UBA6: variants seen among roughly 807,000 people sequenced by gnomAD.
UBA6 encodes ubiquitin-like modifier-activating enzyme 6.
A neutral mutation model predicts 148.3 loss-of-function variants in UBA6; 87 were observed. The observed-to-expected ratio is 0.59, with a 90% confidence interval of 0.49 to 0.70. The LOEUF (loss-of-function observed/expected upper bound fraction) is 0.70, where lower values mean the gene tolerates loss of function less well. Among genes scored for constraint, UBA6 ranks in the 30% least tolerant of loss-of-function variants. UBA6 has a pLI of 0.00. For missense variants in UBA6, 1,186 were observed against 1,241.2 expected (o/e 0.96, Z 0.67); for synonymous variants, 376 against 401.0 (o/e 0.94, Z 0.75).
intron 18 of UBA6, among the ~76,000 whole-genome samples, chr4:67,640,123 C>T (rs187466908): frequency 2.6e-5 from 4 of 152,270 alleles, no homozygotes; most frequent in East Asian, 1.9e-4. Flanking sequence ...CTAGTTTTAA[C>T]GGTATTTCTG....
chr4:67,634,542 G>A (rs1365271537), intron 20 of UBA6, 24 bp from the exon 21 acceptor site: 11 of 1,499,698 alleles, frequency 7.3e-6, no homozygotes, highest in African/African-American at 1.4e-5. Context: ...TATGACAACA[G>A]GTACTTAAGG....
At position 67,626,475 on chromosome 4, in the gene UBA6, A is replaced by G. The variant is rs1200396532; in HGVS notation, c.2403T>C (p.Val801=). Residue 801 remains valine (V), a splice_region_variant and synonymous_variant, in exon 28 of 33, where the codon GTT becomes GTC. Coordinates refer to ENST00000322244, the MANE Select transcript of UBA6 (RefSeq NM_018227.6). ...KIQEFKPSNK[V]VQTDETARKP... ...TCCTTGCAGTTTCATCTGTTTGAAC[A>G]ACCTTTGAATATATGAATATATTTT... The G allele has an allele frequency of 3.8e-6, 6 of 1,586,994 alleles. No individual in the cohort carries two copies. The South Asian group carries it at 4.5e-5, about 12-fold the overall frequency.
intron 6 of UBA6, among the ~76,000 whole-genome samples, chr4:67,676,606 T>C (rs1040164877): frequency 6.6e-6 from 1 of 152,172 alleles, no homozygotes; most frequent in Non-Finnish European, 1.5e-5. Context: ...TAGTTCTAGG[T>C]CTGAATCTTC....
Position 67,616,039 on chromosome 4 carries a change from T to C in UBA6, c.*2958A>G. The stretch of plus-strand genomic sequence containing the variant: ...TATTTATATTTTATGTATTTTTGAA[T>C]ATATATGTGTTTTTGAAAAATATAT... On this transcript the variant is annotated 3_prime_UTR_variant, in exon 33 of 33. Transcript: ENST00000322244. The C allele has an allele frequency of 2.6e-6, 1 of 388,588 alleles. No individual in the cohort carries two copies. The highest frequency in any genetic ancestry group is 4.6e-6 in the Non-Finnish European group (1 of 219,402). 24.1% of individuals were successfully genotyped at this position (388,588 alleles called of 1,614,324 possible). A position where few individuals can be genotyped will look rare whatever the true frequency, so the allele number is the denominator to read the frequency against.
In UBA6 at chr4:67,692,512, C is replaced by G. The variant is rs540475971; in HGVS notation, c.134+4133G>C. Among the ~76,000 whole-genome samples the G allele has an allele frequency of 9.2e-5, 14 of 152,282 alleles. No individual in the cohort carries two copies. The South Asian group carries it at 2.5e-3, about 27-fold the overall frequency. The stretch of plus-strand genomic sequence containing the variant: ...GGAGGGAAAAGATAAACACCAGCGG[C>G]CAGTCCTCCGGCTACATAACAAGCA... On this transcript the variant is annotated intron_variant, in intron 2 of 32. Coordinates refer to ENST00000322244, the MANE Select transcript of UBA6 (RefSeq NM_018227.6).
At chr4:67,653,086 T>A (rs1342523993) in intron 13 of UBA6, among the ~76,000 whole-genome samples, 1 of 152,206 alleles carries the variant, frequency 6.6e-6, no homozygotes, top group African/African-American at 2.4e-5. Context: ...AGACTCAACC[T>A]CTGTGGGCAG....
At chr4:67,662,145 A>G in intron 13 of UBA6, 44 bp downstream of exon 13, 1 of 1,569,872 alleles carries the variant, frequency 6.4e-7, no homozygotes. Context: ...ACACTTATGT[A>G]TTAACAAACA....
At position 67,616,352 on chromosome 4, in the gene UBA6, T is replaced by C. The variant is rs1728626377; in HGVS notation, c.*2645A>G. 1 of 365,972 alleles carries C rather than the reference T, an allele frequency of 2.7e-6. No individual in the cohort carries two copies. Among genetic ancestry groups the C allele is most frequent in the Admixed American group, 4.6e-5 (1 of 21,720 alleles). 22.7% of individuals were successfully genotyped at this position (365,972 alleles called of 1,614,324 possible). ...AATTTCAAAAGAACAATTTTCTATC[T>C]TCATTTTACTAATTATAAAATAAAC... On this transcript the variant is annotated 3_prime_UTR_variant, in exon 33 of 33. Coordinates refer to ENST00000322244, the MANE Select transcript of UBA6 (RefSeq NM_018227.6).
chr4:67,658,882 G>T (rs2109929342), intron 13 of UBA6, among the ~76,000 whole-genome samples: 1 of 152,188 alleles, frequency 6.6e-6, no homozygotes, highest in Middle Eastern at 3.4e-3. Context: ...AGGCCTGAGG[G>T]AACTTTTTTG....
At chr4:67,641,257 A>T in intron 17 of UBA6, 29 bp from the exon 18 acceptor site, 2 of 1,277,030 alleles carry the variant, frequency 1.6e-6, no homozygotes, top group Non-Finnish European at 2.2e-6. Context: ...GGCTGAAATT[A>T]CATAATGGAT....
intron 30 of UBA6, among the ~76,000 whole-genome samples, chr4:67,623,812 C>A (rs1388251129): frequency 1.3e-5 from 2 of 151,956 alleles, no homozygotes; most frequent in African/African-American, 4.8e-5. Context: ...TCTGCTTTGT[C>A]TCAAGCTTGT....
At chr4:67,665,440 T>TG (rs1560493293) in intron 9 of UBA6, 148 bp from the exon 10 acceptor site, 23 of 544,328 alleles carry the variant, frequency 4.2e-5, no homozygotes, top group African/African-American at 3.2e-4. Context: ...TGTTTTTTTT[T>TG]TTTTTTAATG....
At chr4:67,634,662 T>C (rs937462142) in intron 20 of UBA6, 144 bp from the exon 21 acceptor site, 1 of 541,200 alleles carries the variant, frequency 1.8e-6, no homozygotes, top group South Asian at 3.5e-5. Context: ...TTCTCTCTCT[T>C]AGGCAATAAG....
At chr4:67,681,139 T>C (rs1343101408) in intron 4 of UBA6, among the ~76,000 whole-genome samples, 1 of 152,194 alleles carries the variant, frequency 6.6e-6, no homozygotes, top group African/African-American at 2.4e-5. Context: ...GTAAACTGTT[T>C]TATAGCAACA....
At chr4:67,649,631 T>A (rs1729505500) in intron 13 of UBA6, among the ~76,000 whole-genome samples, 1 of 152,164 alleles carries the variant, frequency 6.6e-6, no homozygotes, top group Non-Finnish European at 1.5e-5. Context: ...TAAAATGATC[T>A]TAAAAATGAT....
Position 67,618,980 on chromosome 4 carries a change from C to T in UBA6, c.*17G>A, listed in dbSNP as rs369956622. 44 of 1,611,080 alleles carry T rather than the reference C, an allele frequency of 2.7e-5. No homozygotes were observed. The highest frequency in any genetic ancestry group is 5.3e-5 in the African/African-American group (4 of 74,884). ...CCAAAATCAAGTGGTCCTGGAGTAA[C>T]GTTAAGACAACTTGTATTAATCAGT... On this transcript the variant is annotated 3_prime_UTR_variant, in exon 33 of 33. Coordinates refer to ENST00000322244, the MANE Select transcript of UBA6 (RefSeq NM_018227.6).
rs893127192 is a variant in UBA6, at chr4:67,614,458, T to A, written c.*4539A>T. On this transcript the variant is annotated 3_prime_UTR_variant, in exon 33 of 33. Transcript: ENST00000322244. ...TTCATCAACAGATGTTGATGAAATCTGTATTCACATACGGGTATAATACAT... is the reference window on the plus strand; with the variant it reads ...TTCATCAACAGATGTTGATGAAATCAGTATTCACATACGGGTATAATACAT... 1 of 152,204 alleles carries A rather than the reference T, an allele frequency of 6.6e-6. No individual in the cohort carries two copies. The allele number at this position is 152,204 out of a possible 1,614,324, so 9.4% of individuals were successfully genotyped here. A position where few individuals can be genotyped will look rare whatever the true frequency, so the allele number is the denominator to read the frequency against.
rs144787261 is a variant in UBA6 at position 67,639,034 on chromosome 4, T to C, written c.1645A>G (p.Thr549Ala). The change falls in exon 19 of 33, where the codon ACT (threonine) becomes GCT (alanine). Residue 549 changes from threonine (T) to alanine (A), a missense_variant. Physicochemically the swap from Thr to Ala is moderately conservative, Grantham distance 58. Transcript: ENST00000322244. Reference sequence around the variant, plus strand: ...AACTCATCATTGTAAATGGTCTCAGTGGTTGGACATACTTTGTTCAGGTGT... The same window carrying C: ...AACTCATCATTGTAAATGGTCTCAGCGGTTGGACATACTTTGTTCAGGTGT... The part of the protein sequence containing the change: ...DAHLNKVCPT[T>A]ETIYNDEFYT... 45 of 1,612,778 alleles carry C rather than the reference T, an allele frequency of 2.8e-5. No homozygotes were observed. The highest frequency in any genetic ancestry group is 3.7e-5 in the Non-Finnish European group (44 of 1,179,048).
At chr4:67,650,060 T>A (rs1729516588) in intron 13 of UBA6, among the ~76,000 whole-genome samples, 1 of 152,136 alleles carries the variant, frequency 6.6e-6, no homozygotes, top group Non-Finnish European at 1.5e-5. Flanking sequence ...ACTTTCTATA[T>A]CTCATTATTT....
Sources: allele counts gnomAD v4.1 joint callset (sites outside exome capture counted in the v4.1 genomes callset), GRCh38; gene constraint gnomAD v4.1.1; transcripts MANE v1.5; gene names NCBI Gene and HGNC (gene_info 2026-07-23, HGNC 2026-07-21).